PTGIR: variants seen among roughly 807,000 people sequenced by gnomAD.
PTGIR encodes the protein prostacyclin receptor.
In PTGIR, 16 loss-of-function variants were observed where a neutral mutation model predicts 17.6. The ratio of observed to expected loss-of-function variants is 0.91; its 90% CI spans 0.61 to 1.38. The LOEUF (loss-of-function observed/expected upper bound fraction) is 1.38. Ranked by LOEUF, PTGIR falls within the 40% of genes most tolerant of loss-of-function variation. The pLI, the probability that PTGIR is intolerant of heterozygous loss-of-function variation, is 0.00. For synonymous variants in PTGIR, 274 were observed against 255.4 expected (o/e 1.07, Z -0.69); for missense variants, 532 against 548.6 (o/e 0.97, Z 0.30).
the PTGIR span, among the ~76,000 whole-genome samples, chr19:46,615,027 C>A: frequency 6.6e-6 from 1 of 151,702 alleles, no homozygotes; most frequent in East Asian, 1.9e-4. Flanking sequence ...CTGCCCCACC[C>A]CCCCAAAAAA....
downstream of PTGIR, among the ~76,000 whole-genome samples, chr19:46,615,910 T>A (rs1971955819): frequency 6.6e-6 from 1 of 151,592 alleles, no homozygotes; most frequent in East Asian, 1.9e-4. Context: ...CAAGCAATCC[T>A]CCCAACTCCA....
chr19:46,619,533 GAAAGAAAGAAA>G (rs1568675382), downstream of PTGIR, among the ~76,000 whole-genome samples: 4 of 54,962 alleles, frequency 7.3e-5, no homozygotes, highest in African/African-American at 3.0e-4. Flanking sequence ...AAGAAAGAAA[GAAAGAAAGAAA>G]GAAAGAGAGA....
chr19:46,622,983 T>TC (rs1257672320), intron 2 of PTGIR: 11 of 112,604 alleles, frequency 9.8e-5, no homozygotes, highest in African/African-American at 3.8e-4. Context: ...TTTTCTTATT[T>TC]TTTTTTTTTT....
Position 46,621,568 on chromosome 19 carries a change from G to T in PTGIR, c.873C>A (p.Val291=), listed in dbSNP as rs762475235. ...YAFNPILDPW[V]FILFRKAVFQ... ...AGACAGCCTTGCGGAAAAGGATGAAGACCCAGGGGTCCAGGATGGGGTTGA... is the reference window on the plus strand; with the variant it reads ...AGACAGCCTTGCGGAAAAGGATGAATACCCAGGGGTCCAGGATGGGGTTGA... The change falls in exon 3 of 3, where the codon GTC becomes GTA. Residue 291 remains valine, a synonymous_variant. Coordinates refer to ENST00000291294, the MANE Select transcript of PTGIR (RefSeq NM_000960.4). This position sits in a 1 kb window ranked among gnomAD's most constrained non-coding sequence, Gnocchi z 4.8. The T allele has an allele frequency of 5.0e-6, 8 of 1,613,980 alleles. No homozygotes were observed. The African/African-American group carries it at 9.3e-5, about 19-fold the overall frequency.
rs200213497 is a variant in PTGIR at position 46,624,182 on chromosome 19, A to G, written c.44T>C (p.Val15Ala). ...CRNLTYVRGS[V>A]GPATSTLMFV... is the part of the protein sequence containing the mutation. ...CATCAGGGTGCTGGTGGCCGGCCCC[A>G]CCGAGCCCCGCACGTAGGTGAGGTT... Residue 15 changes from valine to alanine, a missense_variant, in exon 2 of 3, where the codon GTG (valine) becomes GCG (alanine). Coordinates refer to ENST00000291294, the MANE Select transcript of PTGIR (RefSeq NM_000960.4). 6.2e-3 allele frequency: 9,220 copies of G among 1,484,786 alleles called. 45 individuals are homozygous for G. The highest frequency in any genetic ancestry group is 0.012 in the South Asian group (890 of 75,894). 92.0% of individuals were successfully genotyped at this position (1,484,786 alleles called of 1,614,324 possible). A position where few individuals can be genotyped will look rare whatever the true frequency, so the allele number is the denominator to read the frequency against.
the PTGIR span, among the ~76,000 whole-genome samples, chr19:46,613,104 C>T: frequency 5.0e-5 from 6 of 119,644 alleles, no homozygotes; most frequent in African/African-American, 2.0e-4. Context: ...AGTGCAATGG[C>T]ATGATCTCGG....
Position 46,621,834 on chromosome 19 carries a change from G to A in PTGIR, c.769-162C>T, listed in dbSNP as rs1437674194. On this transcript the variant is annotated intron_variant, in intron 2 of 2. Transcript: ENST00000291294. The surrounding 1 kb of genome is among the most constrained non-coding windows in gnomAD (Gnocchi z 4.8). ...GTAACAAATGTATCTGGGGAACACAGGGAGAGAAAGCCCCAGGAAATTGCC... is the reference window on the plus strand; with the variant it reads ...GTAACAAATGTATCTGGGGAACACAAGGAGAGAAAGCCCCAGGAAATTGCC... 2 of 1,397,190 alleles carry A rather than the reference G, an allele frequency of 1.4e-6. No homozygotes were observed. The highest frequency in any genetic ancestry group is 1.5e-5 in the African/African-American group (1 of 68,872). 86.5% of individuals were successfully genotyped at this position (1,397,190 alleles called of 1,614,324 possible).
At chr19:46,614,511 C>A in the PTGIR span, 10 of 848,482 alleles carry the variant, frequency 1.2e-5, no homozygotes, top group Non-Finnish European at 1.4e-5. Flanking sequence ...CTGAGCCCCA[C>A]CCCAGACTAG....
In PTGIR at chr19:46,624,108, C is replaced by A; in HGVS notation, c.118G>T (p.Ala40Ser). The change falls in exon 2 of 3, where the codon GCA becomes TCA. Residue 40 changes from alanine (A) to serine (S), a missense_variant. Ala to Ser is a moderately conservative substitution (Grantham distance 99). Transcript: ENST00000291294. ...GNGLALGILSARRPARPSAFA... is the reference protein window; with the variant it reads ...GNGLALGILSSRRPARPSAFA... ...GCCGAGGGGCGCGCCGGTCGCCGTG[C>A]GCTCAGGATGCCCAGGGCCAGCCCG... 1 of 1,539,484 alleles carries A rather than the reference C, an allele frequency of 6.5e-7. No individual in the cohort carries two copies. The highest frequency in any genetic ancestry group is 1.9e-5 in the Admixed American group (1 of 51,296).
chr19:46,612,535 TCA>T, the PTGIR span, among the ~76,000 whole-genome samples: 3 of 152,218 alleles, frequency 2.0e-5, no homozygotes, highest in African/African-American at 7.2e-5. Context: ...AGAAGTGAAG[TCA>T]CTACTGCAAG....
At chr19:46,616,352 T>TTTTTTTTTTTTTTTG (rs1971963251), downstream of PTGIR, among the ~76,000 whole-genome samples, 1 of 144,316 alleles carries the variant, frequency 6.9e-6, no homozygotes, top group African/African-American at 2.6e-5. Flanking sequence ...TTTTTTTTTT[T>TTTTTTTTTTTTTTTG]AGACAAAGTC....
the PTGIR span, among the ~76,000 whole-genome samples, chr19:46,613,028 T>A: frequency 4.9e-4 from 1 of 2,052 alleles, no homozygotes. Context: ...TGTGCCAAAC[T>A]TTTTTTTTTT....
chr19:46,618,834 C>T (rs192741717), downstream of PTGIR, among the ~76,000 whole-genome samples: 2 of 152,266 alleles, frequency 1.3e-5, no homozygotes, highest in Admixed American at 1.3e-4. Context: ...CCTTGTTCTG[C>T]TTTATTGTGA....
chr19:46,623,236 A>G, intron 2 of PTGIR: 3 of 467,244 alleles, frequency 6.4e-6, no homozygotes, highest in Non-Finnish European at 7.4e-6. Flanking sequence ...ACCTCAAATG[A>G]TCCGCCGGCC....
At chr19:46,622,450 T>C (rs927847228) in intron 2 of PTGIR, 3 of 955,152 alleles carry the variant, frequency 3.1e-6, no homozygotes, top group Middle Eastern at 5.3e-4. Flanking sequence ...TGGGTGGCTA[T>C]GATCATTTTG....
downstream of PTGIR, among the ~76,000 whole-genome samples, chr19:46,619,659 AAAG>A (rs139274535): frequency 0.029 from 3,149 of 110,304 alleles, 69 homozygotes; most frequent in Middle Eastern, 0.053. Context: ...GAAAGAAAAG[AAAG>A]AAAGAAAGAA....
At chr19:46,615,413 CT>C in the PTGIR span, among the ~76,000 whole-genome samples, 9 of 152,280 alleles carry the variant, frequency 5.9e-5, no homozygotes, top group Admixed American at 5.2e-4. Context: ...ACCAATCCCC[CT>C]AGGATACCGA....
the PTGIR span, among the ~76,000 whole-genome samples, chr19:46,611,716 G>A: frequency 1.3e-5 from 2 of 152,202 alleles, no homozygotes; most frequent in Non-Finnish European, 2.9e-5. Flanking sequence ...AGACCAGCCT[G>A]GGCAACATAG....
chr19:46,618,073 G>A (rs139364312), downstream of PTGIR, among the ~76,000 whole-genome samples: 2,606 of 146,916 alleles, frequency 0.018, 73 homozygotes, highest in Admixed American at 0.065. Context: ...GGAGCGCTGT[G>A]GCGTGATCTC....
Sources: allele counts gnomAD v4.1 joint callset (sites outside exome capture counted in the v4.1 genomes callset), GRCh38; gene constraint gnomAD v4.1.1; non-coding constraint Gnocchi (gnomAD v3.1); transcripts MANE v1.5; gene names NCBI Gene and HGNC (gene_info 2026-07-23, HGNC 2026-07-21).